Variants in PPFIBP2 observed in about 807,000 individuals in gnomAD.
The protein encoded by PPFIBP2 is PPFIB scaffold protein 2, also known as liprin-beta-2.
PPFIBP2 carries 118 observed loss-of-function variants against 118.3 expected under a neutral mutation model. The observed-to-expected ratio is 1.00, with a 90% CI of 0.86 to 1.16. PPFIBP2 has a LOEUF of 1.16. Among genes scored for constraint, PPFIBP2 ranks in the 50% most tolerant of loss-of-function variants. PPFIBP2 has a pLI of 0.00. For missense variants in PPFIBP2, 1,195 were observed against 1,073.1 expected (o/e 1.11, Z -1.59); for synonymous variants, 414 against 397.4 (o/e 1.04, Z -0.50).
chr11:7,594,427 C>G (rs1325971942), intron 4 of PPFIBP2, among the ~76,000 whole-genome samples: 1 of 152,204 alleles, frequency 6.6e-6, no homozygotes, highest in Non-Finnish European at 1.5e-5. Flanking sequence ...GTTTTAGATG[C>G]TGGGATAAAG....
chr11:7,594,916 C>CA (rs58084975), intron 4 of PPFIBP2, among the ~76,000 whole-genome samples: 19,667 of 63,218 alleles, frequency 0.31, 2,772 homozygotes, highest in East Asian at 0.38. Flanking sequence ...GACTCCATCT[C>CA]AAAAAAAAAA....
intron 6 of PPFIBP2, among the ~76,000 whole-genome samples, chr11:7,615,360 T>C (rs1051582453): frequency 3.4e-5 from 5 of 147,830 alleles, no homozygotes; most frequent in Admixed American, 3.4e-4. Context: ...AAAAGAATTA[T>C]AAAGCTAAGT....
At chr11:7,657,236 T>TGGTCACCAGGA (rs1363642386), downstream of PPFIBP2, 5 of 168,530 alleles carry the variant, frequency 3.0e-5, no homozygotes, top group Non-Finnish European at 6.4e-5. Context: ...TTTTGTGAAA[T>TGGTCACCAGGA]GGTCACCAGG....
chr11:7,666,732 GTGGA>G, the PPFIBP2 span: 2 of 505,166 alleles, frequency 4.0e-6, no homozygotes, highest in Non-Finnish European at 7.1e-6. Context: ...CCTTTGTTTT[GTGGA>G]TGAAGTTCCT....
chr11:7,597,430 G>A, intron 4 of PPFIBP2, 130 bp from the exon 5 acceptor site: 1 of 1,539,330 alleles, frequency 6.5e-7, no homozygotes, highest in African/African-American at 1.4e-5. Flanking sequence ...CTGCCACTCA[G>A]CAAAAATCAA....
At chr11:7,633,875 G>T (rs1270457713) in intron 12 of PPFIBP2, among the ~76,000 whole-genome samples, 1 of 152,158 alleles carries the variant, frequency 6.6e-6, no homozygotes, top group African/African-American at 2.4e-5. Flanking sequence ...AAATATGACT[G>T]CCAAGGAGAC....
At chr11:7,539,938 A>G (rs1851604780) in intron 1 of PPFIBP2, among the ~76,000 whole-genome samples, 1 of 152,202 alleles carries the variant, frequency 6.6e-6, no homozygotes, top group African/African-American at 2.4e-5. Context: ...CCAGTTTTGA[A>G]TCTCTACAGT....
chr11:7,570,405 T>G (rs1278149765), intron 3 of PPFIBP2, among the ~76,000 whole-genome samples: 1 of 152,200 alleles, frequency 6.6e-6, no homozygotes, highest in Non-Finnish European at 1.5e-5. Context: ...TGTACACCCT[T>G]CATCTCCTAC....
downstream of PPFIBP2, among the ~76,000 whole-genome samples, chr11:7,660,837 T>G (rs981307250): frequency 9.1e-3 from 1,385 of 151,836 alleles, 29 homozygotes; most frequent in African/African-American, 0.032. Context: ...CTGTTATTGG[T>G]GCATTCAGAG....
At chr11:7,527,681 G>A (rs1850348618) in intron 1 of PPFIBP2, among the ~76,000 whole-genome samples, 1 of 152,126 alleles carries the variant, frequency 6.6e-6, no homozygotes, top group South Asian at 2.1e-4. Flanking sequence ...TGAGGAGGTG[G>A]CATTTGAGGT....
rs772054442 is a variant in PPFIBP2, at chr11:7,648,450, T to C, written c.1710T>C (p.Phe570=). The C allele has an allele frequency of 6.2e-7, 1 of 1,614,144 alleles. No individual in the cohort carries two copies. Among genetic ancestry groups the C allele is most frequent in the South Asian group, 1.1e-5 (1 of 91,074 alleles). ...TERVCAWLED[F]GLAQYVIFAR... ...GTGTGTGTGCATGGCTGGAGGACTT[T>C]GGCCTGGCTCAGTATGTGATCTTTG... The change falls in exon 18 of 24, where the codon TTT becomes TTC. Residue 570 remains phenylalanine (F), a synonymous_variant. Coordinates refer to ENST00000299492, the MANE Select transcript of PPFIBP2 (RefSeq NM_003621.5).
intron 1 of PPFIBP2, among the ~76,000 whole-genome samples, chr11:7,515,026 GAAGTT>G (rs1361266845): frequency 6.6e-6 from 1 of 152,082 alleles, no homozygotes; most frequent in African/African-American, 2.4e-5. Context: ...TGTATTATGT[GAAGTT>G]AAATGGTCAA....
intron 4 of PPFIBP2, among the ~76,000 whole-genome samples, chr11:7,596,034 C>T (rs1472246075): frequency 6.6e-6 from 1 of 151,996 alleles, no homozygotes; most frequent in East Asian, 1.9e-4. Context: ...TCCTACATCC[C>T]TTCATTTGTA....
intron 2 of PPFIBP2, among the ~76,000 whole-genome samples, chr11:7,552,450 G>C (rs1186215610): frequency 6.6e-6 from 1 of 152,124 alleles, no homozygotes; most frequent in Non-Finnish European, 1.5e-5. Flanking sequence ...CATTGTATAA[G>C]GCTTGTGCAT....
chr11:7,653,496 C>T lies in PPFIBP2; in HGVS notation c.*278C>T. On this transcript the variant is annotated 3_prime_UTR_variant, in exon 24 of 24. Transcript: ENST00000299492. ...ATGTCTAGTAATTCTTGATGTTCAT[C>T]TTCAGCACCAGTGGAAACACATGAA... The T allele has an allele frequency of 7.1e-7, 1 of 1,405,930 alleles. No homozygotes were observed. The highest frequency in any genetic ancestry group is 9.4e-7 in the Non-Finnish European group (1 of 1,064,714). 87.1% of individuals were successfully genotyped at this position (1,405,930 alleles called of 1,614,324 possible). A position where few individuals can be genotyped will look rare whatever the true frequency, so the allele number is the denominator to read the frequency against.
At chr11:7,664,139 A>C in the PPFIBP2 span, among the ~76,000 whole-genome samples, 1 of 152,098 alleles carries the variant, frequency 6.6e-6, no homozygotes, top group Non-Finnish European at 1.5e-5. Context: ...TGTAGACCGG[A>C]GCTGTTCCTA....
chr11:7,547,167 C>T (rs1000239968), intron 1 of PPFIBP2, among the ~76,000 whole-genome samples: 2 of 152,062 alleles, frequency 1.3e-5, no homozygotes, highest in African/African-American at 2.4e-5. Context: ...TACGTGGTGC[C>T]GGGGGGCGGT....
intron 4 of PPFIBP2, among the ~76,000 whole-genome samples, chr11:7,596,724 C>T (rs1275454405): frequency 6.6e-6 from 1 of 152,146 alleles, no homozygotes; most frequent in African/African-American, 2.4e-5. Flanking sequence ...CTGCTAATTT[C>T]TTCACTTTGG....
chr11:7,558,698 G>C (rs940320824), intron 2 of PPFIBP2, among the ~76,000 whole-genome samples: 2 of 151,896 alleles, frequency 1.3e-5, no homozygotes, highest in African/African-American at 4.8e-5. Context: ...GGAGGTTGCA[G>C]TGAGCTGAGA....
Sources: gnomAD v4.1 joint callset for allele counts (sites outside exome capture counted in the v4.1 genomes callset) on GRCh38, gnomAD v4.1.1 for gene constraint, MANE v1.5 for transcripts, NCBI Gene and HGNC (gene_info 2026-07-23, HGNC 2026-07-21) for gene names.